COPE: variants seen among roughly 807,000 people sequenced by gnomAD.
The protein encoded by COPE is coatomer subunit epsilon.
Under a neutral mutation model 42.1 loss-of-function variants are expected in COPE, and 19 were observed. That is an observed-to-expected ratio of 0.45 (90% CI 0.31 to 0.66). The LOEUF is 0.66. Ranked by LOEUF, COPE falls within the 30% of genes least tolerant of loss-of-function variation. The pLI is 0.05. For missense variants in COPE, 402 were observed against 416.1 expected, an observed-to-expected ratio of 0.97 and a Z score of 0.30; for synonymous variants, 195 against 181.3, an observed-to-expected ratio of 1.08 and a Z score of -0.60.
chr19:18,917,822 C>T (rs2056868139), intron 1 of COPE, among the ~76,000 whole-genome samples: 1 of 152,056 alleles, frequency 6.6e-6, no homozygotes, highest in Non-Finnish European at 1.5e-5. Context: ...TTAATAAGCA[C>T]ATTCCTTTCC....
Position 18,907,068 on chromosome 19 carries a change from A to G in COPE, c.335T>C (p.Val112Ala), listed in dbSNP as rs1019788556. The part of the protein sequence containing the change: ...AELDREMSRS[V>A]DVTNTTFLLM... ...CAGGAAGGTGGTGTTGGTCACGTCCACGCTCCTGCTCATCTCTCGGTCCAG... is the reference window on the plus strand; with the variant it reads ...CAGGAAGGTGGTGTTGGTCACGTCCGCGCTCCTGCTCATCTCTCGGTCCAG... The change falls in exon 4 of 10, where the codon GTG becomes GCG. Residue 112 changes from valine (V) to alanine (A), a missense_variant. Transcript: ENST00000262812. The G allele has an allele frequency of 1.9e-6, 3 of 1,610,804 alleles. No homozygotes were observed. Among genetic ancestry groups the G allele is most frequent in the Admixed American group, 1.7e-5 (1 of 59,630 alleles).
intron 1 of COPE, among the ~76,000 whole-genome samples, chr19:18,915,744 T>G (rs982558798): frequency 2.0e-5 from 3 of 152,092 alleles, no homozygotes; most frequent in Admixed American, 6.6e-5. Context: ...GGGTAGTAAC[T>G]CCTCCCTTCT....
chr19:18,901,774 A>G (rs534931259), intron 7 of COPE, among the ~76,000 whole-genome samples: 94 of 152,382 alleles, frequency 6.2e-4, no homozygotes, highest in South Asian at 3.1e-3. Context: ...CTAACAAAAA[A>G]TACAAAAATT....
intron 1 of COPE, among the ~76,000 whole-genome samples, chr19:18,915,836 G>A (rs970168593): frequency 1.3e-5 from 2 of 152,194 alleles, no homozygotes; most frequent in African/African-American, 2.4e-5. Flanking sequence ...ACAGCTGGGC[G>A]GTGCCTGCCA....
rs1338349152 is a variant in COPE at position 18,900,441 on chromosome 19, G to A, written c.744C>T (p.Gly248=). 2 of 1,548,780 alleles carry A rather than the reference G, an allele frequency of 1.3e-6. No individual in the cohort carries two copies. Among genetic ancestry groups the A allele is most frequent in the Admixed American group, 2.0e-5 (1 of 50,846 alleles). The change falls in exon 8 of 10, where the codon GGC becomes GGT. Residue 248 remains glycine (G), a synonymous_variant. Transcript: ENST00000262812. The part of the protein sequence containing the change: ...LLQEALDKDS[G]YPETLVNLIV... ...TGAGGTTGACCAGCGTCTCTGGGTA[G>A]CCACTATCCTGGAGACACAGGCAGA... is the stretch of plus-strand genomic sequence containing the variant.
At chr19:18,905,933 A>G (rs1238269483) in intron 4 of COPE, 2 of 513,724 alleles carry the variant, frequency 3.9e-6, no homozygotes, top group East Asian at 3.5e-5. Context: ...CGGACTCGAC[A>G]CCCTGGAGGC....
chr19:18,916,693 C>G (rs2056856442), intron 1 of COPE, among the ~76,000 whole-genome samples: 1 of 151,776 alleles, frequency 6.6e-6, no homozygotes, highest in South Asian at 2.1e-4. Flanking sequence ...GAGGCTGAGG[C>G]AGGAGAACTG....
Position 18,907,108 on chromosome 19 carries a change from T to C in COPE, c.295A>G (p.Ser99Gly). The change falls in exon 4 of 10, where the codon AGC (serine) becomes GGC (glycine). Residue 99 changes from serine (S) to glycine (G), a missense_variant. Transcript: ENST00000262812. ...TCTCGGTCCAGCTCGGCCACGATGC[T>C]GTCCCTGCAAGACAGAGATGCTCAC... ...DYLAHESRRD[S>G]IVAELDREMS... The C allele has an allele frequency of 6.2e-7, 1 of 1,611,736 alleles. No individual in the cohort carries two copies. The highest frequency in any genetic ancestry group is 8.5e-7 in the Non-Finnish European group (1 of 1,179,550).
Position 18,911,991 on chromosome 19 carries a change from C to T in COPE, c.190-920G>A, listed in dbSNP as rs555298245. Among the ~76,000 whole-genome samples the T allele has an allele frequency of 4.6e-5, 7 of 152,012 alleles. No homozygotes were observed. The East Asian group carries it at 1.4e-3, about 30-fold the overall frequency. ...TCAGCCTCCCAAGTAGCTGGGATTA[C>T]AGGCATGCACCACCACACCTGGCTA... is the stretch of plus-strand genomic sequence containing the variant. On this transcript the variant is annotated intron_variant, in intron 2 of 9. Transcript: ENST00000262812.
chr19:18,913,342 A>G (rs1321170294), intron 1 of COPE, among the ~76,000 whole-genome samples: 1 of 152,216 alleles, frequency 6.6e-6, no homozygotes, highest in Non-Finnish European at 1.5e-5. Flanking sequence ...CCGCACCTCT[A>G]ACCTCTGGAC....
In COPE at chr19:18,903,137, C is replaced by G. The variant is rs944517276; in HGVS notation, c.735+131G>C. 24 of 912,968 alleles carry G rather than the reference C, an allele frequency of 2.6e-5. No homozygotes were observed. In the African/African-American group the frequency reaches 3.9e-4, roughly 15 times the overall value. 56.6% of individuals were successfully genotyped at this position (912,968 alleles called of 1,614,324 possible). On this transcript the variant is annotated intron_variant, in intron 7 of 9. Transcript: ENST00000262812. ...TTTGTGGATCTCGCTGCTGACTGGG[C>G]CTTAGAAGCCCTGTGGGGCCACACG...
intron 2 of COPE, among the ~76,000 whole-genome samples, chr19:18,911,847 C>T (rs535436864): frequency 7.3e-5 from 11 of 149,726 alleles, no homozygotes; most frequent in East Asian, 2.0e-4. Flanking sequence ...CCACCACGCC[C>T]GGCCTTTTTT....
At chr19:18,900,893 A>G (rs920690912) in intron 7 of COPE, among the ~76,000 whole-genome samples, 1 of 152,104 alleles carries the variant, frequency 6.6e-6, no homozygotes, top group Non-Finnish European at 1.5e-5. Flanking sequence ...AGCACACAGG[A>G]CCCTAGGAAA....
intron 3 of COPE, among the ~76,000 whole-genome samples, chr19:18,909,333 T>C (rs2056789674): frequency 6.6e-6 from 1 of 152,168 alleles, no homozygotes; most frequent in South Asian, 2.1e-4. Context: ...TCCTCACAGC[T>C]CTGGAGGCCG....
chr19:18,908,412 G>C (rs547024920), intron 3 of COPE, among the ~76,000 whole-genome samples: 1 of 152,126 alleles, frequency 6.6e-6, no homozygotes, highest in South Asian at 2.1e-4. Context: ...GGGTGACAGA[G>C]GGAGACCATC....
At chr19:18,911,653 A>T (rs1319471243) in intron 2 of COPE, among the ~76,000 whole-genome samples, 4 of 149,992 alleles carry the variant, frequency 2.7e-5, no homozygotes, top group East Asian at 2.0e-4. Flanking sequence ...CCAGGTTCAC[A>T]CCATTCTCCT....
intron 1 of COPE, among the ~76,000 whole-genome samples, chr19:18,914,472 T>C (rs117350146): frequency 0.046 from 6,947 of 151,802 alleles, 330 homozygotes; most frequent in Non-Finnish European, 0.052. Context: ...ACCCGGGAGA[T>C]AGAGGCTGTA....
In COPE at chr19:18,899,534, T is replaced by G; in HGVS notation, c.*145A>C. 2 of 730,226 alleles carry G rather than the reference T, an allele frequency of 2.7e-6. No individual in the cohort carries two copies. The highest frequency in any genetic ancestry group is 2.3e-6 in the Non-Finnish European group (1 of 431,914). 45.2% of individuals were successfully genotyped at this position (730,226 alleles called of 1,614,324 possible). A position where few individuals can be genotyped will look rare whatever the true frequency, so the allele number is the denominator to read the frequency against. ...CATCATCAGGTGGAACACCCTGGAG[T>G]TGAGATATTTATTAACAGATGGGGG... On this transcript the variant is annotated 3_prime_UTR_variant, in exon 10 of 10. Transcript: ENST00000262812.
At chr19:18,901,451 G>C (rs2056697830) in intron 7 of COPE, among the ~76,000 whole-genome samples, 1 of 152,234 alleles carries the variant, frequency 6.6e-6, no homozygotes, top group Non-Finnish European at 1.5e-5. Context: ...GGGAGTTCCT[G>C]ACTAGCCCTG....
Sources: gnomAD v4.1 joint callset for allele counts (sites outside exome capture counted in the v4.1 genomes callset) on GRCh38, gnomAD v4.1.1 for gene constraint, MANE v1.5 for transcripts, NCBI Gene and HGNC (gene_info 2026-07-23, HGNC 2026-07-21) for gene names.